The following ROBO2 variants were observed in gnomAD, a reference collection of about 807,000 sequenced individuals.
The protein encoded by ROBO2 is roundabout guidance receptor 2.
ROBO2 carries 53 observed loss-of-function variants against 160.8 expected under a neutral mutation model. The ratio of observed to expected loss-of-function variants is 0.33; its 90% CI spans 0.26 to 0.41. ROBO2 has a LOEUF of 0.41. Among genes scored for constraint, ROBO2 ranks in the 10% least tolerant of loss-of-function variants. ROBO2 has a pLI of 1.00. For missense variants in ROBO2, 1,577 were observed against 1,722.4 expected (o/e 0.92, Z 1.49); for synonymous variants, 664 against 611.7 (o/e 1.09, Z -1.26).
At chr3:76,365,654 T>C (rs2108434118) in intron 2 of ROBO2, among the ~76,000 whole-genome samples, 1 of 152,212 alleles carries the variant, frequency 6.6e-6, no homozygotes, top group Admixed American at 6.5e-5. Flanking sequence ...ACATTAGGGC[T>C]TATGATAATG....
chr3:76,260,927 T>G (rs1198554420), intron 2 of ROBO2, among the ~76,000 whole-genome samples: 2 of 151,990 alleles, frequency 1.3e-5, no homozygotes, highest in African/African-American at 4.8e-5. Context: ...TTTCCCACAA[T>G]TTTCATAAAA....
At chr3:77,594,117 A>C (rs1431177583) in intron 17 of ROBO2, among the ~76,000 whole-genome samples, 1 of 152,178 alleles carries the variant, frequency 6.6e-6, no homozygotes. Context: ...TAACTAATTT[A>C]ATGGCAAAAT....
intron 2 of ROBO2, among the ~76,000 whole-genome samples, chr3:76,821,583 G>C (rs2066123086): frequency 6.6e-6 from 1 of 151,858 alleles, no homozygotes; most frequent in South Asian, 2.1e-4. Flanking sequence ...GTTGTTATGA[G>C]GGACTTTAAA....
intron 2 of ROBO2, among the ~76,000 whole-genome samples, chr3:76,970,564 C>T (rs2059525521): frequency 6.6e-6 from 1 of 152,108 alleles, no homozygotes. Flanking sequence ...AATCTACAAG[C>T]TGCAGAAGGG....
chr3:77,289,309 G>C (rs1273302254), intron 2 of ROBO2, among the ~76,000 whole-genome samples: 5 of 152,174 alleles, frequency 3.3e-5, no homozygotes, highest in Admixed American at 1.3e-4. Context: ...AAATGGGTAA[G>C]CTGAGGCTAG....
At chr3:77,050,551 A>C (rs2065114602) in intron 1 of ROBO2, among the ~76,000 whole-genome samples, 1 of 144,762 alleles carries the variant, frequency 6.9e-6, no homozygotes, top group Non-Finnish European at 1.5e-5. Flanking sequence ...CAACATTCTC[A>C]GTCTTTGCTT....
At chr3:77,123,977 A>G (rs907033257) in intron 2 of ROBO2, among the ~76,000 whole-genome samples, 24 of 150,574 alleles carry the variant, frequency 1.6e-4, no homozygotes, top group African/African-American at 5.8e-4. Context: ...ATCTATCTAT[A>G]TAGATATATA....
At chr3:77,312,604 T>A (rs1424613789) in intron 2 of ROBO2, among the ~76,000 whole-genome samples, 2 of 152,226 alleles carry the variant, frequency 1.3e-5, no homozygotes, top group African/African-American at 4.8e-5. Flanking sequence ...TGAGTGAGTG[T>A]GACTAGACAA....
intron 2 of ROBO2, among the ~76,000 whole-genome samples, chr3:76,599,996 CT>C (rs779976551): frequency 5.9e-5 from 9 of 152,216 alleles, no homozygotes; most frequent in South Asian, 4.1e-4. Context: ...TGTAGATTTT[CT>C]GTTTACTCTG....
At chr3:76,778,060 G>A (rs1349387120) in intron 2 of ROBO2, among the ~76,000 whole-genome samples, 2 of 151,050 alleles carry the variant, frequency 1.3e-5, no homozygotes, top group African/African-American at 4.8e-5. Context: ...TATGCAATGA[G>A]TTCTGGCCAT....
chr3:75,917,627 G>C (rs1162468329), intron 1 of ROBO2, among the ~76,000 whole-genome samples: 1 of 152,172 alleles, frequency 6.6e-6, no homozygotes, highest in African/African-American at 2.4e-5. Flanking sequence ...CTTCCACAAT[G>C]GTTGAACTAT....
At chr3:76,030,529 G>A (rs79345689) in intron 2 of ROBO2, among the ~76,000 whole-genome samples, 1 of 152,118 alleles carries the variant, frequency 6.6e-6, no homozygotes, top group African/African-American at 2.4e-5. Flanking sequence ...AATCCATGTT[G>A]AATTAGTTTT....
At chr3:77,625,320 T>G (rs2094988447) in intron 23 of ROBO2, among the ~76,000 whole-genome samples, 1 of 151,708 alleles carries the variant, frequency 6.6e-6, no homozygotes, top group Non-Finnish European at 1.5e-5. Context: ...GATTCAGTAA[T>G]AATAATAATA....
At chr3:76,272,812 A>AAATATATAG (rs1210494784) in intron 2 of ROBO2, among the ~76,000 whole-genome samples, 1 of 6,704 alleles carries the variant, frequency 1.5e-4, no homozygotes, top group Non-Finnish European at 5.5e-4. Context: ...AAAATATATA[A>AAATATATAG]TATGTATTTA....
chr3:76,804,602 C>T (rs560725594), intron 2 of ROBO2, among the ~76,000 whole-genome samples: 17 of 152,152 alleles, frequency 1.1e-4, no homozygotes, highest in African/African-American at 4.1e-4. Flanking sequence ...GCAGACAGTC[C>T]CTAAATTTGA....
In ROBO2 at chr3:76,894,629, A is replaced by C. The variant is rs143784049; in HGVS notation, c.110-203385A>C. On this transcript the variant is annotated intron_variant, in intron 2 of 26. Coordinates refer to the ROBO2 transcript ENST00000487694. ...TTTTATGACTTGTGCTGAAGCAGTC[A>C]GTAAGTTATCATAGTTCTCATTTGA... Among the ~76,000 whole-genome samples the C allele has an allele frequency of 2.7e-3, 409 of 152,288 alleles. 2 individuals carry two copies. Among genetic ancestry groups the C allele is most frequent in the African/African-American group, 9.3e-3 (386 of 41,580 alleles).
At chr3:76,110,617 T>C (rs1416304323) in intron 2 of ROBO2, among the ~76,000 whole-genome samples, 3 of 152,116 alleles carry the variant, frequency 2.0e-5, no homozygotes, top group Admixed American at 6.6e-5. Flanking sequence ...TTAAGTCCTA[T>C]GGAATCTTGA....
rs572316372 is a variant in ROBO2, at chr3:76,976,961, A to G, written c.110-121053A>G. ...TTAATCATATATGGTTCGCTTTCAC[A>G]TCAGCATTTGCTGTTGAGTAATACA... On this transcript the variant is annotated intron_variant, in intron 2 of 26. Coordinates refer to the ROBO2 transcript ENST00000487694. 3.2e-4 allele frequency among the ~76,000 whole-genome samples: 48 copies of G among 152,278 alleles called. 1 individual carries two copies. The South Asian group carries it at 9.7e-3, about 31-fold the overall frequency.
chr3:77,009,945 T>TTAA (rs1553726158), intron 2 of ROBO2, among the ~76,000 whole-genome samples: 1 of 104,486 alleles, frequency 9.6e-6, no homozygotes, highest in Non-Finnish European at 1.8e-5. Context: ...GACTCTGTCT[T>TTAA]AAAAAAAAAA....
Sources: gnomAD v4.1 joint callset for allele counts (sites outside exome capture counted in the v4.1 genomes callset) on GRCh38, gnomAD v4.1.1 for gene constraint, MANE v1.5 for transcripts, NCBI Gene and HGNC (gene_info 2026-07-23, HGNC 2026-07-21) for gene names.